GPM6B: variants seen among roughly 807,000 people sequenced by gnomAD.
The protein encoded by GPM6B is neuronal membrane glycoprotein M6-b.
A neutral mutation model predicts 27.2 loss-of-function variants in GPM6B; 4 were observed. The observed-to-expected ratio is 0.15, with a 90% CI of 0.07 to 0.34. The LOEUF is 0.34. Ranked by LOEUF, GPM6B falls within the 10% of genes least tolerant of loss-of-function variation. The probability of loss-of-function intolerance (pLI) is 1.00; values close to 1 mark genes in which losing one functional copy is unlikely to be tolerated. For synonymous variants in GPM6B, 124 were observed against 103.1 expected (o/e 1.20, Z -1.23); for missense variants, 183 against 261.9 (o/e 0.70, Z 2.08).
In GPM6B at chrX:13,852,610, G is replaced by A. The variant is rs1603081368; in HGVS notation, c.-197-66802C>T. Among the ~76,000 whole-genome samples, 3 of 110,569 alleles carry A rather than the reference G, an allele frequency of 2.7e-5. No individual in the cohort carries two copies. The Middle Eastern group carries it at 0.014, about 517-fold the overall frequency. ...CCTGCTTTTGATTTAATTCACATGA[G>A]AAAACTTTCTATTAATCACATACAA... On this transcript the variant is annotated intron_variant, in intron 1 of 6. Coordinates refer to the GPM6B transcript ENST00000398361.
intron 1 of GPM6B, among the ~76,000 whole-genome samples, chrX:13,909,331 C>T (rs1317390588): frequency 9.1e-6 from 1 of 110,045 alleles, no homozygotes; most frequent in Admixed American, 9.7e-5. Flanking sequence ...ACCATGTTGG[C>T]AAGGCTGGTC....
Position 13,777,393 on chromosome X carries a change from T to A in GPM6B, c.730A>T (p.Ile244Leu), listed in dbSNP as rs1408238469. The change falls in exon 6 of 8, where the codon ATA becomes TTA. Residue 244 changes from isoleucine to leucine, a missense_variant. Coordinates refer to ENST00000316715, the MANE Select transcript of GPM6B (RefSeq NM_001001995.3). ...ATGTTCTCCAGGGCAGAGCCACATATTTTTCCGGGGAAAGCATTCCAAGGA... is the reference window on the plus strand; with the variant it reads ...ATGTTCTCCAGGGCAGAGCCACATAATTTTCCGGGGAAAGCATTCCAAGGA... The part of the protein sequence containing the change: ...IIPWNAFPGK[I>L]CGSALENICN... 8.3e-7 allele frequency: 1 copy of A among 1,202,519 alleles called. No individual in the cohort carries two copies. The highest frequency in any genetic ancestry group is 1.1e-6 in the Non-Finnish European group (1 of 888,368).
chrX:13,905,468 G>A (rs2050321713), intron 1 of GPM6B, among the ~76,000 whole-genome samples: 1 of 110,984 alleles, frequency 9.0e-6, no homozygotes, highest in African/African-American at 3.3e-5. Context: ...GAGCTACCTT[G>A]TAAAATGCCA....
At position 13,866,358 on chromosome X, in the gene GPM6B, C is replaced by T. The variant is rs769286951; in HGVS notation, c.-198+71969G>A. Among the ~76,000 whole-genome samples the T allele has an allele frequency of 3.6e-5, 4 of 111,810 alleles. 1 individual carries two copies. Among genetic ancestry groups the T allele is most frequent in the East Asian group, 2.8e-4 (1 of 3,563 alleles). ...AGTCTGGGCAACAAGAGTGAAACTC[C>T]GTCTCAAAAAAGTAGGAAGAGGTCA... is the stretch of plus-strand genomic sequence containing the variant. On this transcript the variant is annotated intron_variant, in intron 1 of 6. Transcript: ENST00000398361.
chrX:13,840,058 T>C (rs891319068), intron 1 of GPM6B, among the ~76,000 whole-genome samples: 1 of 112,047 alleles, frequency 8.9e-6, no homozygotes, highest in Non-Finnish European at 1.9e-5. Flanking sequence ...GACAAAGGTG[T>C]TTAGATACAA....
At chrX:13,807,992 C>T (rs1191051411) in intron 1 of GPM6B, among the ~76,000 whole-genome samples, 1 of 112,264 alleles carries the variant, frequency 8.9e-6, no homozygotes, top group African/African-American at 3.2e-5. Flanking sequence ...CTACATCTTT[C>T]CCCCAACACA....
chrX:13,867,806 G>A (rs911886454), intron 1 of GPM6B, among the ~76,000 whole-genome samples: 1 of 111,962 alleles, frequency 8.9e-6, no homozygotes, highest in Non-Finnish European at 1.9e-5. Context: ...AGATGGGGGT[G>A]AGGGAAGGTG....
intron 1 of GPM6B, among the ~76,000 whole-genome samples, chrX:13,937,984 G>A (rs747149793): frequency 9.0e-6 from 1 of 111,309 alleles, no homozygotes; most frequent in Admixed American, 9.5e-5. Context: ...TGGTTTCAAG[G>A]GTCATGGTTT....
At chrX:13,831,426 C>G (rs1295807246) in intron 1 of GPM6B, among the ~76,000 whole-genome samples, 4 of 110,952 alleles carry the variant, frequency 3.6e-5, no homozygotes, top group Non-Finnish European at 7.6e-5. Flanking sequence ...TAGAGCTTGT[C>G]CTGGCTCTAA....
At chrX:13,886,718 C>CCAAAAAAAAAAAAAAA (rs2050138524) in intron 1 of GPM6B, among the ~76,000 whole-genome samples, 1 of 5,055 alleles carries the variant, frequency 2.0e-4, no homozygotes, top group Non-Finnish European at 2.4e-4. Flanking sequence ...TAAGTCACTA[C>CCAAAAAAAAAAAAAAA]TAAAAAAAAA....
At chrX:13,935,062 A>T (rs1921758271) in intron 1 of GPM6B, among the ~76,000 whole-genome samples, 1 of 112,026 alleles carries the variant, frequency 8.9e-6, no homozygotes, top group Non-Finnish European at 1.9e-5. Flanking sequence ...CTAGACCAAA[A>T]TTTTTTATAA....
At chrX:13,804,330 T>G (rs2048976672) in intron 2 of GPM6B, among the ~76,000 whole-genome samples, 1 of 105,480 alleles carries the variant, frequency 9.5e-6, no homozygotes, top group Admixed American at 1.1e-4. Context: ...GACTGGAGAC[T>G]TAGCATGAAC....
rs185366990 is a variant in GPM6B, at chrX:13,865,759, A to T, written c.-198+72568T>A. ...GTGACAGAGCAAGACCCTGTCTCAA[A>T]AAGAAAAAGTAAAAATAAAAAATGA... On this transcript the variant is annotated intron_variant, in intron 1 of 6. Transcript: ENST00000398361. Among the ~76,000 whole-genome samples the T allele has an allele frequency of 1.6e-3, 174 of 107,160 alleles. 1 individual carries two copies. The highest frequency in any genetic ancestry group is 3.6e-3 in the Admixed American group (35 of 9,781). The allele number at this position is 107,160 out of a possible 115,157, so 93.1% of individuals were successfully genotyped here.
At chrX:13,774,409 C>T in intron 7 of GPM6B, 2 of 1,098,933 alleles carry the variant, frequency 1.8e-6, no homozygotes, top group Non-Finnish European at 2.4e-6. Context: ...ATTAATCTAC[C>T]ATGCAAGGTG....
chrX:13,878,775 C>T (rs1233277701), intron 1 of GPM6B, among the ~76,000 whole-genome samples: 1 of 112,015 alleles, frequency 8.9e-6, no homozygotes, highest in African/African-American at 3.2e-5. Context: ...GTAGACCCAA[C>T]GTTATCACAG....
Position 13,874,403 on chromosome X carries a change from A to C in GPM6B, c.-198+63924T>G, listed in dbSNP as rs956586819. Among the ~76,000 whole-genome samples, 132 of 111,225 alleles carry C rather than the reference A, an allele frequency of 1.2e-3. 1 individual carries two copies. Among genetic ancestry groups the C allele is most frequent in the African/African-American group, 4.0e-3 (121 of 30,585 alleles). ...ACAAGAACTGGTGAGCAACTTTTAAAGTGGGAGGCCCAGGGTAGGCGCAGT... is the reference window on the plus strand; with the variant it reads ...ACAAGAACTGGTGAGCAACTTTTAACGTGGGAGGCCCAGGGTAGGCGCAGT... On this transcript the variant is annotated intron_variant, in intron 1 of 6. Transcript: ENST00000398361.
rs1428097864 is a variant in GPM6B at position 13,895,339 on chromosome X, A to G, written c.-198+42988T>C. 5.4e-5 allele frequency among the ~76,000 whole-genome samples: 6 copies of G among 110,279 alleles called. No individual in the cohort carries two copies. In the Admixed American group the frequency reaches 5.8e-4, roughly 11 times the overall value. On this transcript the variant is annotated intron_variant, in intron 1 of 6. Coordinates refer to the GPM6B transcript ENST00000398361. Reference sequence around the variant, plus strand: ...TTTTAAGATTTCTAAGCTTGTGTTGAAACATGCTGCTTCATTTCCCTAGAG... The same window carrying G: ...TTTTAAGATTTCTAAGCTTGTGTTGGAACATGCTGCTTCATTTCCCTAGAG...
chrX:13,790,872 C>T (rs906617558), intron 2 of GPM6B, among the ~76,000 whole-genome samples: 1 of 89,887 alleles, frequency 1.1e-5, no homozygotes, highest in Admixed American at 1.4e-4. Flanking sequence ...TAAACACACA[C>T]ACTCCAACCA....
chrX:13,821,251 TTAAAC>T (rs1204823170), upstream of GPM6B, among the ~76,000 whole-genome samples: 2 of 112,482 alleles, frequency 1.8e-5, no homozygotes, highest in Non-Finnish European at 3.8e-5. Context: ...AGTTGACATG[TTAAAC>T]TCATACATAG....
Sources: allele counts gnomAD v4.1 joint callset (sites outside exome capture counted in the v4.1 genomes callset), GRCh38; gene constraint gnomAD v4.1.1; transcripts MANE v1.5; gene names NCBI Gene and HGNC (gene_info 2026-07-23, HGNC 2026-07-21).